Variants in CNN2 observed in about 807,000 individuals in gnomAD.
CNN2 encodes the protein calponin 2, also known as calponin-2.
Under a neutral mutation model 31.0 loss-of-function variants are expected in CNN2, and 21 were observed. The ratio of observed to expected loss-of-function variants is 0.68; its 90% CI spans 0.48 to 0.98. The LOEUF (loss-of-function observed/expected upper bound fraction) is 0.98, where lower values mean the gene tolerates loss of function less well. Among genes scored for constraint, CNN2 ranks in the 50% least tolerant of loss-of-function variants. The probability of loss-of-function intolerance (pLI) is 0.00; values close to 1 mark genes in which losing one functional copy is unlikely to be tolerated. For missense variants in CNN2, 399 were observed against 427.3 expected (o/e 0.93, Z 0.58); for synonymous variants, 165 against 179.6 (o/e 0.92, Z 0.65).
At chr19:1,035,359 T>C (rs1411519993) in intron 4 of CNN2, among the ~76,000 whole-genome samples, 1 of 152,098 alleles carries the variant, frequency 6.6e-6, no homozygotes, top group African/African-American at 2.4e-5. Flanking sequence ...GCTGGTTTTC[T>C]CCTGGGGTAA....
At chr19:1,028,538 C>T (rs1299232474) in intron 1 of CNN2, among the ~76,000 whole-genome samples, 1 of 152,216 alleles carries the variant, frequency 6.6e-6, no homozygotes, top group Non-Finnish European at 1.5e-5. Flanking sequence ...GGCTGGACGG[C>T]ACGGAGGCAG....
At chr19:1,035,604 C>T (rs936020773) in intron 4 of CNN2, among the ~76,000 whole-genome samples, 3 of 152,132 alleles carry the variant, frequency 2.0e-5, no homozygotes, top group Admixed American at 2.0e-4. Context: ...TGAGCTGTTG[C>T]CTAAGACAAG....
intron 3 of CNN2, 26 bp downstream of exon 3, chr19:1,032,484 G>A: frequency 6.2e-7 from 1 of 1,613,586 alleles, no homozygotes; most frequent in South Asian, 1.1e-5. Flanking sequence ...AGCGGAGCAG[G>A]GATGGTGCTG....
chr19:1,031,708 G>A (rs1318572688), intron 2 of CNN2, among the ~76,000 whole-genome samples: 1 of 149,778 alleles, frequency 6.7e-6, no homozygotes, highest in Non-Finnish European at 1.5e-5. Flanking sequence ...TCCACCTCCT[G>A]GGTTCAAGTG....
intron 1 of CNN2, among the ~76,000 whole-genome samples, chr19:1,027,239 G>A (rs764479822): frequency 3.3e-5 from 5 of 152,374 alleles, no homozygotes; most frequent in South Asian, 2.1e-4. Flanking sequence ...TGGCCTCTGG[G>A]ACACCTTGGG....
rs774652045 is a variant in CNN2 at position 1,036,063 on chromosome 19, C to T, written c.391-67C>T. The T allele has an allele frequency of 9.3e-6, 14 of 1,508,548 alleles. No homozygotes were observed. In the East Asian group the frequency reaches 2.6e-4, roughly 28 times the overall value. The allele number at this position is 1,508,548 out of a possible 1,614,324, so 93.4% of individuals were successfully genotyped here. On this transcript the variant is annotated intron_variant, in intron 4 of 6. Transcript: ENST00000263097. ...CCGCGGCCTGGTCTCTGTCCCGCCC[C>T]CAGGGCCTAGATCTAGGGTCCCTGG...
At position 1,032,435 on chromosome 19, in the gene CNN2, C is replaced by G; in HGVS notation, c.229C>G (p.Arg77Gly). ...LQPGSVPKIN[R>G]SMQNWHQLEN... ...GCCGGGCTCCGTCCCCAAGATCAAC[C>G]GCTCCATGCAGAACTGGCACCAGGT... Residue 77 changes from arginine to glycine, a missense_variant, in exon 3 of 7, where the codon CGC (arginine) becomes GGC (glycine). Coordinates refer to ENST00000263097, the MANE Select transcript of CNN2 (RefSeq NM_004368.4). 6.2e-7 allele frequency: 1 copy of G among 1,613,682 alleles called. No homozygotes were observed. Among genetic ancestry groups the G allele is most frequent in the South Asian group, 1.1e-5 (1 of 91,076 alleles).
At position 1,027,064 on chromosome 19, in the gene CNN2, G is replaced by A. The variant is rs369570220; in HGVS notation, c.63+340G>A. 2.0e-4 allele frequency: 51 copies of A among 257,586 alleles called. No individual in the cohort carries two copies. In the East Asian group the frequency reaches 3.7e-3, roughly 19 times the overall value. 16.0% of individuals were successfully genotyped at this position (257,586 alleles called of 1,614,324 possible). A position where few individuals can be genotyped will look rare whatever the true frequency, so the allele number is the denominator to read the frequency against. ...TGGCGCCCACTCAACCTTCGAGAAG[G>A]TCCGTTCAAGGTCCGACAACGCTCT... On this transcript the variant is annotated intron_variant, in intron 1 of 6. Transcript: ENST00000263097.
chr19:1,036,343 G>A (rs2039583939), intron 5 of CNN2, 73 bp from the exon 6 acceptor site: 1 of 1,585,806 alleles, frequency 6.3e-7, no homozygotes, highest in African/African-American at 1.3e-5. Context: ...GGAGCCCTGT[G>A]GTCCCTCAAT....
chr19:1,036,059 G>C (rs749645862), intron 4 of CNN2, 71 bp from the exon 5 acceptor site: 3 of 1,499,640 alleles, frequency 2.0e-6, no homozygotes, highest in Middle Eastern at 1.8e-4. Context: ...TCTCTGTCCC[G>C]CCCCCAGGGC....
chr19:1,026,966 C>CA (rs1340013893), intron 1 of CNN2: 2 of 490,922 alleles, frequency 4.1e-6, no homozygotes, highest in Non-Finnish European at 7.3e-6. Context: ...ATTCCCCCCC[C>CA]CAACATCTAG....
chr19:1,031,338 T>TC (rs1555674878), intron 2 of CNN2, 146 bp downstream of exon 2: 6,073 of 34,324 alleles, frequency 0.18, 371 homozygotes, highest in East Asian at 0.51. Flanking sequence ...CCGAGGGTGG[T>TC]GGCGGGGGGC....
chr19:1,028,183 C>G (rs1028821647), intron 1 of CNN2, among the ~76,000 whole-genome samples: 1 of 148,372 alleles, frequency 6.7e-6, no homozygotes, highest in East Asian at 2.0e-4. Flanking sequence ...GGGCCAAGAC[C>G]GGAACCCAGT....
chr19:1,036,076 C>A (rs1388000753), intron 4 of CNN2, 54 bp from the exon 5 acceptor site: 3 of 1,532,708 alleles, frequency 2.0e-6, no homozygotes, highest in East Asian at 2.3e-5. Flanking sequence ...GGGCCTAGAT[C>A]TAGGGTCCCT....
In CNN2 at chr19:1,038,019, CTG is replaced by C; in HGVS notation, c.*122_*123del. Reference sequence around the variant, plus strand: ...TCAGTGCTGCCAGTCAACCAAGGGTCTGTGAGTGTCAGCGTGGGATCAGGCAG... The same window carrying C: ...TCAGTGCTGCCAGTCAACCAAGGGTCTGAGTGTCAGCGTGGGATCAGGCAG... On this transcript the variant is annotated 3_prime_UTR_variant, in exon 7 of 7. Transcript: ENST00000263097. 1 of 1,036,280 alleles carries C rather than the reference CTG, an allele frequency of 9.6e-7. No homozygotes were observed. Among genetic ancestry groups the C allele is most frequent in the African/African-American group, 1.6e-5 (1 of 61,078 alleles). 64.2% of individuals were successfully genotyped at this position (1,036,280 alleles called of 1,614,324 possible).
At position 1,037,920 on chromosome 19, in the gene CNN2, C is replaced by T; in HGVS notation, c.*20C>T. The T allele has an allele frequency of 6.5e-7, 1 of 1,531,310 alleles. No individual in the cohort carries two copies. Among genetic ancestry groups the T allele is most frequent in the South Asian group, 1.2e-5 (1 of 80,416 alleles). The allele number at this position is 1,531,310 out of a possible 1,614,324, so 94.9% of individuals were successfully genotyped here. On this transcript the variant is annotated 3_prime_UTR_variant, in exon 7 of 7. Transcript: ENST00000263097. The stretch of plus-strand genomic sequence containing the variant: ...TACTGAGGCTCCCAGCACGCTCTCT[C>T]CCCACATCGTCTGCCCATCTGGGTT...
chr19:1,035,693 C>T (rs995180991), intron 4 of CNN2, among the ~76,000 whole-genome samples: 3 of 152,134 alleles, frequency 2.0e-5, no homozygotes, highest in Admixed American at 6.5e-5. Flanking sequence ...GAGGTTGAGG[C>T]GGGTGGATAA....
Position 1,036,199 on chromosome 19 carries a change from T to A in CNN2, c.460T>A (p.Phe154Ile), listed in dbSNP as rs754370668. ...VKYSEKQERN[F>I]DDATMKAGQC... ...GTACTCGGAGAAGCAGGAGCGGAAT[T>A]TCGACGATGCCACCATGAAGGCTGG... The change falls in exon 5 of 7, where the codon TTC becomes ATC. Residue 154 changes from phenylalanine (F) to isoleucine (I), a missense_variant. By Grantham distance (21) the Phe-to-Ile change is conservative (BLOSUM62 0). Coordinates refer to ENST00000263097, the MANE Select transcript of CNN2 (RefSeq NM_004368.4). 6.2e-7 allele frequency: 1 copy of A among 1,610,708 alleles called. No homozygotes were observed. Among genetic ancestry groups the A allele is most frequent in the Admixed American group, 1.7e-5 (1 of 59,692 alleles).
chr19:1,035,779 T>G (rs925204418), intron 4 of CNN2, among the ~76,000 whole-genome samples: 2 of 151,994 alleles, frequency 1.3e-5, no homozygotes, highest in South Asian at 2.1e-4. Context: ...AAAATTAGCC[T>G]GGCGTGGTGG....
Sources: allele counts gnomAD v4.1 joint callset (sites outside exome capture counted in the v4.1 genomes callset), GRCh38; gene constraint gnomAD v4.1.1; transcripts MANE v1.5; gene names NCBI Gene and HGNC (gene_info 2026-07-23, HGNC 2026-07-21).